CCDC158: variants seen among roughly 807,000 people sequenced by gnomAD.
The protein encoded by CCDC158 is coiled-coil domain-containing protein 158.
CCDC158 carries 116 observed loss-of-function variants against 138.6 expected under a neutral mutation model. The observed-to-expected ratio is 0.84, with a 90% CI of 0.72 to 0.98. The LOEUF is 0.98. Among genes scored for constraint, CCDC158 ranks in the 50% least tolerant of loss-of-function variants. The probability of loss-of-function intolerance (pLI) is 0.00; values close to 1 mark genes in which losing one functional copy is unlikely to be tolerated. For missense variants in CCDC158, 1,265 were observed against 1,306.1 expected, an observed-to-expected ratio of 0.97 and a Z score of 0.48; for synonymous variants, 436 against 442.4, an observed-to-expected ratio of 0.99 and a Z score of 0.18.
chr4:76,332,207 A>G (rs1161571811), intron 20 of CCDC158, among the ~76,000 whole-genome samples: 2 of 152,228 alleles, frequency 1.3e-5, no homozygotes, highest in Admixed American at 6.5e-5. Flanking sequence ...ATATGGATAA[A>G]CATCAGCAAA....
intron 22 of CCDC158, among the ~76,000 whole-genome samples, chr4:76,327,169 T>C (rs1014986584): frequency 5.9e-5 from 9 of 152,128 alleles, no homozygotes; most frequent in African/African-American, 2.2e-4. Flanking sequence ...GAGTAATCAC[T>C]GAAACAATAG....
At chr4:76,313,304 T>G in intron 24 of CCDC158, 58 bp from the exon 25 acceptor site, 1 of 994,104 alleles carries the variant, frequency 1.0e-6, no homozygotes, top group South Asian at 1.5e-5. Context: ...TTAATTCTAC[T>G]ATGTGCTACT....
intron 13 of CCDC158, among the ~76,000 whole-genome samples, chr4:76,360,386 G>T (rs958486096): frequency 1.3e-5 from 2 of 152,192 alleles, no homozygotes; most frequent in African/African-American, 4.8e-5. Flanking sequence ...TGAGAAGAGG[G>T]CCACTGTCCT....
chr4:76,380,715 G>GAGGTGCAAGACAATGGGGAAA (rs563921689), intron 8 of CCDC158, among the ~76,000 whole-genome samples: 5 of 151,236 alleles, frequency 3.3e-5, no homozygotes, highest in Admixed American at 3.3e-4. Flanking sequence ...TGCATAAGAA[G>GAGGTGCAAGACAATGGGGAAA]AGGTGCAAGA....
At chr4:76,337,927 G>GC (rs752954459) in intron 18 of CCDC158, among the ~76,000 whole-genome samples, 5 of 152,238 alleles carry the variant, frequency 3.3e-5, no homozygotes, top group Non-Finnish European at 5.9e-5. Flanking sequence ...ACCGGTACCG[G>GC]CCCATGGTCT....
At chr4:76,355,086 A>G (rs1475908519) in intron 15 of CCDC158, among the ~76,000 whole-genome samples, 1 of 152,170 alleles carries the variant, frequency 6.6e-6, no homozygotes, top group African/African-American at 2.4e-5. Flanking sequence ...TATTTTGTTT[A>G]TAATCATTCC....
chr4:76,332,433 T>C lies in CCDC158; in HGVS notation c.2881A>G (p.Arg961Gly). The change falls in exon 20 of 25, where the codon AGA (arginine) becomes GGA (glycine). Residue 961 changes from arginine (R) to glycine (G), a missense_variant and splice_region_variant. Arg to Gly is a moderately radical substitution (Grantham distance 125). Transcript: ENST00000682701. ...TTCAGAATCTCAGATTCTTCTTACCTATGGCACATGTCTGATCTCAGGCTG... is the reference window on the plus strand; with the variant it reads ...TTCAGAATCTCAGATTCTTCTTACCCATGGCACATGTCTGATCTCAGGCTG... ...ESSLRSDMCHRSNNSLRDSTE... is the reference protein window; with the variant it reads ...ESSLRSDMCHGSNNSLRDSTE... The C allele has an allele frequency of 1.9e-6, 3 of 1,607,820 alleles. No homozygotes were observed. The highest frequency in any genetic ancestry group is 2.6e-6 in the Non-Finnish European group (3 of 1,175,496).
chr4:76,366,888 T>C (rs2110233875), intron 12 of CCDC158, among the ~76,000 whole-genome samples: 1 of 152,290 alleles, frequency 6.6e-6, no homozygotes, highest in East Asian at 1.9e-4. Flanking sequence ...GAGTTTTTTG[T>C]TTTGTTTACT....
At chr4:76,404,474 C>T (rs1163633820) in intron 2 of CCDC158, among the ~76,000 whole-genome samples, 1 of 151,880 alleles carries the variant, frequency 6.6e-6, no homozygotes, top group Non-Finnish European at 1.5e-5. Flanking sequence ...AAAAATCACC[C>T]CTGAATTAGA....
intron 19 of CCDC158, 110 bp downstream of exon 19, chr4:76,333,900 T>C (rs1239763592): frequency 1.3e-5 from 9 of 701,074 alleles, no homozygotes; most frequent in Non-Finnish European, 2.0e-5. Context: ...TAACTTCAGA[T>C]ACTTTTAAAG....
intron 22 of CCDC158, among the ~76,000 whole-genome samples, chr4:76,327,496 G>A (rs529226569): frequency 6.6e-6 from 1 of 152,132 alleles, no homozygotes; most frequent in Non-Finnish European, 1.5e-5. Context: ...AACCTGTAGA[G>A]CATGTTACTG....
intron 18 of CCDC158, among the ~76,000 whole-genome samples, chr4:76,342,229 G>A (rs574121673): frequency 2.9e-4 from 44 of 152,084 alleles, no homozygotes; most frequent in South Asian, 2.1e-3. Context: ...TTGTAGAGAC[G>A]AGGTCTCACT....
At chr4:76,415,878 G>T (rs915597635) in intron 1 of CCDC158, among the ~76,000 whole-genome samples, 1 of 152,154 alleles carries the variant, frequency 6.6e-6, no homozygotes, top group African/African-American at 2.4e-5. Context: ...TTAGCAGACC[G>T]GGAAAGGGAG....
intron 21 of CCDC158, among the ~76,000 whole-genome samples, chr4:76,330,267 C>A (rs1432983377): frequency 6.6e-6 from 1 of 152,056 alleles, no homozygotes; most frequent in Non-Finnish European, 1.5e-5. Context: ...TGTTTTCAAG[C>A]AGTATGACTT....
chr4:76,334,011 C>G lies in CCDC158; in HGVS notation c.2821G>C (p.Val941Leu). The G allele has an allele frequency of 6.2e-7, 1 of 1,604,946 alleles. No individual in the cohort carries two copies. The highest frequency in any genetic ancestry group is 1.1e-5 in the South Asian group (1 of 89,606). The change falls in exon 19 of 25, where the codon GTA becomes CTA. Residue 941 changes from valine to leucine, a missense_variant and splice_region_variant. Val to Leu is a conservative substitution (Grantham distance 32, BLOSUM62 1). Coordinates refer to ENST00000682701, the MANE Select transcript of CCDC158 (RefSeq NM_001394954.1). ...RTSLGALYVA[V>L]EDRVRDCITE... ...CATTCTGTGTGCACACAGCCTTACA[C>G]AGCCACATACAAGGCTCCCAGAGAT...
At chr4:76,371,748 G>C (rs1278154644) in intron 9 of CCDC158, among the ~76,000 whole-genome samples, 2 of 152,098 alleles carry the variant, frequency 1.3e-5, no homozygotes, top group African/African-American at 4.8e-5. Context: ...GACCAGCCTG[G>C]CCAACATGGC....
intron 4 of CCDC158, among the ~76,000 whole-genome samples, chr4:76,387,182 G>A (rs995327267): frequency 2.6e-5 from 4 of 152,084 alleles, no homozygotes; most frequent in Admixed American, 6.6e-5. Flanking sequence ...TCTGTTTGAC[G>A]AGGGGAGAGC....
intron 2 of CCDC158, among the ~76,000 whole-genome samples, chr4:76,408,192 A>AT (rs545853801): frequency 1.3e-4 from 20 of 148,854 alleles, no homozygotes; most frequent in East Asian, 3.9e-4. Context: ...ATATATATAT[A>AT]TTTTTTTATT....
intron 9 of CCDC158, among the ~76,000 whole-genome samples, chr4:76,377,789 C>T (rs1725852639): frequency 6.6e-6 from 1 of 152,112 alleles, no homozygotes; most frequent in Admixed American, 6.5e-5. Flanking sequence ...ATAACATTGC[C>T]ACAAGGATTT....
Sources: gnomAD v4.1 joint callset for allele counts (sites outside exome capture counted in the v4.1 genomes callset) on GRCh38, gnomAD v4.1.1 for gene constraint, MANE v1.5 for transcripts, NCBI Gene and HGNC (gene_info 2026-07-23, HGNC 2026-07-21) for gene names.